Variants in CCDC171 observed in about 807,000 individuals in gnomAD.
CCDC171 encodes coiled-coil domain-containing protein 171.
A neutral mutation model predicts 168.2 loss-of-function variants in CCDC171; 177 were observed. The observed-to-expected ratio is 1.05, with a 90% CI of 0.93 to 1.19. The LOEUF is 1.19. Among genes scored for constraint, CCDC171 ranks in the 50% most tolerant of loss-of-function variants. CCDC171 has a pLI of 0.00. For missense variants in CCDC171, 1,991 were observed against 1,539.0 expected (o/e 1.29, Z -4.91); for synonymous variants, 687 against 540.8 (o/e 1.27, Z -3.75).
At chr9:15,575,017 G>A (rs982655407) in intron 3 of CCDC171, among the ~76,000 whole-genome samples, 1 of 152,196 alleles carries the variant, frequency 6.6e-6, no homozygotes, top group Admixed American at 6.5e-5. Flanking sequence ...AATCATTTGA[G>A]CGTAACAATA....
chr9:15,703,694 G>A (rs1439495094), intron 11 of CCDC171, among the ~76,000 whole-genome samples: 1 of 152,128 alleles, frequency 6.6e-6, no homozygotes, highest in African/African-American at 2.4e-5. Context: ...TGGCTATTGT[G>A]AATAGCACTG....
At chr9:16,099,477 C>T in the CCDC171 span, among the ~76,000 whole-genome samples, 12 of 152,322 alleles carry the variant, frequency 7.9e-5, no homozygotes, top group South Asian at 2.1e-4. Flanking sequence ...AACCTGAAGA[C>T]GAATCAGCTG....
At chr9:15,678,954 T>C (rs2049841535) in intron 10 of CCDC171, 58 bp downstream of exon 10, 4 of 1,293,246 alleles carry the variant, frequency 3.1e-6, no homozygotes, top group Non-Finnish European at 4.3e-6. Context: ...ATTGGATGTA[T>C]AGCAGGGTTT....
At chr9:16,026,104 A>C (rs1833270297) in intron 6 of CCDC171, among the ~76,000 whole-genome samples, 1 of 152,126 alleles carries the variant, frequency 6.6e-6, no homozygotes, top group Non-Finnish European at 1.5e-5. Flanking sequence ...GTCACGCTCC[A>C]TGTTTTGCTG....
At chr9:15,657,073 A>C in intron 7 of CCDC171, 54 bp from the exon 8 acceptor site, 1 of 1,014,420 alleles carries the variant, frequency 9.9e-7, no homozygotes, top group Non-Finnish European at 1.5e-6. Context: ...GTAGTGATCC[A>C]TATCTTCTTT....
intron 11 of CCDC171, among the ~76,000 whole-genome samples, chr9:15,708,264 A>T (rs1054900944): frequency 6.6e-6 from 1 of 152,270 alleles, no homozygotes; most frequent in Non-Finnish European, 1.5e-5. Context: ...ACACTTTCAT[A>T]CTAATGATTG....
At chr9:15,952,750 C>T (rs1229212770) in intron 25 of CCDC171, among the ~76,000 whole-genome samples, 2 of 152,064 alleles carry the variant, frequency 1.3e-5, no homozygotes, top group Non-Finnish European at 2.9e-5. Flanking sequence ...GGGAGTGCAT[C>T]GACTCTGTAG....
chr9:15,896,467 G>C (rs994879101), intron 24 of CCDC171, among the ~76,000 whole-genome samples: 11 of 151,884 alleles, frequency 7.2e-5, no homozygotes, highest in Non-Finnish European at 1.5e-4. Flanking sequence ...TCAAGTCCAG[G>C]GCCATTTCAA....
chr9:16,002,303 AC>A (rs2132952370), intron 3 of CCDC171, among the ~76,000 whole-genome samples: 1 of 151,668 alleles, frequency 6.6e-6, no homozygotes, highest in African/African-American at 2.4e-5. Flanking sequence ...GCTCCTGGAG[AC>A]CCTCCTATGA....
chr9:15,973,945 A>G lies in CCDC171; in HGVS notation c.*2109A>G, dbSNP rs1831545302. ...TTTTAGAGGAACAAGCAGCTTTGTA[A>G]AATGTGCCTTGGAAAGGCCTTGGTC... On this transcript the variant is annotated 3_prime_UTR_variant, in exon 26 of 26. Transcript: ENST00000380701. The G allele has an allele frequency of 6.6e-6, 1 of 152,114 alleles. No individual in the cohort carries two copies. Among genetic ancestry groups the G allele is most frequent in the South Asian group, 2.1e-4 (1 of 4,822 alleles). The allele number at this position is 152,114 out of a possible 1,614,324, so 9.4% of individuals were successfully genotyped here.
At chr9:15,613,760 T>G (rs540855614) in intron 6 of CCDC171, among the ~76,000 whole-genome samples, 2 of 152,242 alleles carry the variant, frequency 1.3e-5, no homozygotes, top group East Asian at 3.9e-4. Context: ...CCTGACCTTG[T>G]GATCTGCCCG....
chr9:15,574,360 G>T (rs1050991540), intron 3 of CCDC171, among the ~76,000 whole-genome samples: 1 of 151,776 alleles, frequency 6.6e-6, no homozygotes, highest in Non-Finnish European at 1.5e-5. Context: ...GGCCAGGCTG[G>T]TCTCGAACTC....
chr9:15,724,994 A>T lies in CCDC171; in HGVS notation c.1692+18A>T. On this transcript the variant is annotated intron_variant, in intron 14 of 25. Coordinates refer to ENST00000380701, the MANE Select transcript of CCDC171 (RefSeq NM_173550.4). ...ATGCAGAGGTATTACCTGAGACTCA[A>T]TGACTGTCAGGAAGGGCCTTTCACT... 1 of 1,587,666 alleles carries T rather than the reference A, an allele frequency of 6.3e-7. No homozygotes were observed. The highest frequency in any genetic ancestry group is 8.6e-7 in the Non-Finnish European group (1 of 1,156,172).
chr9:15,798,117 C>T (rs1178150205), intron 21 of CCDC171, among the ~76,000 whole-genome samples: 1 of 151,968 alleles, frequency 6.6e-6, no homozygotes, highest in African/African-American at 2.4e-5. Context: ...TTTTTTGGAA[C>T]TGTATTTGCT....
chr9:15,889,751 C>T (rs139179578), intron 24 of CCDC171, among the ~76,000 whole-genome samples: 5 of 152,302 alleles, frequency 3.3e-5, no homozygotes, highest in African/African-American at 7.2e-5. Flanking sequence ...TCTTTTCTTA[C>T]TCAACATTCT....
chr9:15,859,084 T>C (rs2061450627), intron 23 of CCDC171, among the ~76,000 whole-genome samples: 1 of 152,064 alleles, frequency 6.6e-6, no homozygotes, highest in Non-Finnish European at 1.5e-5. Flanking sequence ...GTTGAGAATT[T>C]TTATCATGAA....
At chr9:15,952,161 T>G (rs1353757873) in intron 25 of CCDC171, among the ~76,000 whole-genome samples, 4 of 152,162 alleles carry the variant, frequency 2.6e-5, no homozygotes, top group African/African-American at 9.7e-5. Flanking sequence ...TAAATGGTGT[T>G]GACATCCTTG....
At chr9:15,913,685 G>C (rs1824052638) in intron 24 of CCDC171, among the ~76,000 whole-genome samples, 1 of 152,178 alleles carries the variant, frequency 6.6e-6, no homozygotes, top group African/African-American at 2.4e-5. Flanking sequence ...TTGTTTCCTT[G>C]CTGGCGAGGA....
At chr9:15,976,007 A>G (rs1057486647), downstream of CCDC171, among the ~76,000 whole-genome samples, 1 of 152,144 alleles carries the variant, frequency 6.6e-6, no homozygotes, top group Non-Finnish European at 1.5e-5. Context: ...ACGATGATGG[A>G]AGCCGAAGTT....
Sources: gnomAD v4.1 joint callset for allele counts (sites outside exome capture counted in the v4.1 genomes callset) on GRCh38, gnomAD v4.1.1 for gene constraint, MANE v1.5 for transcripts, NCBI Gene and HGNC (gene_info 2026-07-23, HGNC 2026-07-21) for gene names.